RHOH: variants seen among roughly 807,000 people sequenced by gnomAD.
The protein encoded by RHOH is ras homolog family member H.
Under a neutral mutation model 13.8 loss-of-function variants are expected in RHOH, and 6 were observed. The observed-to-expected ratio is 0.44, with a 90% confidence interval of 0.24 to 0.86. The LOEUF (loss-of-function observed/expected upper bound fraction) is 0.86. Ranked by LOEUF, RHOH falls within the 40% of genes least tolerant of loss-of-function variation. The pLI is 0.24. For missense variants in RHOH, 147 were observed against 244.5 expected, an observed-to-expected ratio of 0.60 and a Z score of 2.66; for synonymous variants, 117 against 103.0, an observed-to-expected ratio of 1.14 and a Z score of -0.82.
intron 1 of RHOH, among the ~76,000 whole-genome samples, chr4:40,229,646 A>G (rs1283578076): frequency 1.3e-5 from 2 of 151,762 alleles, no homozygotes; most frequent in Non-Finnish European, 2.9e-5. Context: ...AAAAAAAAAA[A>G]AAAAAGAAAG....
chr4:40,233,715 A>C (rs766651211), intron 1 of RHOH, among the ~76,000 whole-genome samples: 1 of 152,138 alleles, frequency 6.6e-6, no homozygotes, highest in Non-Finnish European at 1.5e-5. Context: ...TGAAACCTGA[A>C]ACTTGAATTT....
At chr4:40,227,176 CAA>C (rs762680151) in intron 1 of RHOH, among the ~76,000 whole-genome samples, 6 of 65,484 alleles carry the variant, frequency 9.2e-5, no homozygotes, top group African/African-American at 2.4e-4. Context: ...AAAACAAAAA[CAA>C]AAACAAACAA....
chr4:40,243,323 C>A lies in RHOH; in HGVS notation c.-64C>A. On this transcript the variant is annotated 5_prime_UTR_variant, in exon 3 of 3. It adds an upstream start codon to the 5' untranslated region. Transcript: ENST00000381799. The surrounding 1 kb of genome is among the most constrained non-coding windows in gnomAD (Gnocchi z 6.2). Reference sequence around the variant, plus strand: ...CCTTGCTGAATGGCGTGTGCTGCAGCTGCCCACTGAGGGCTCTTTTCCCTG... The same window carrying A: ...CCTTGCTGAATGGCGTGTGCTGCAGATGCCCACTGAGGGCTCTTTTCCCTG... The A allele has an allele frequency of 7.1e-7, 1 of 1,417,318 alleles. No individual in the cohort carries two copies. The highest frequency in any genetic ancestry group is 9.6e-7 in the Non-Finnish European group (1 of 1,041,492). The allele number at this position is 1,417,318 out of a possible 1,614,324, so 87.8% of individuals were successfully genotyped here. A position where few individuals can be genotyped will look rare whatever the true frequency, so the allele number is the denominator to read the frequency against.
intron 1 of RHOH, among the ~76,000 whole-genome samples, chr4:40,219,715 T>G (rs1273674699): frequency 6.6e-6 from 1 of 152,010 alleles, no homozygotes; most frequent in African/African-American, 2.4e-5. Context: ...ATACAAGAGG[T>G]AGCATCTGAG....
intron 1 of RHOH, among the ~76,000 whole-genome samples, chr4:40,232,605 G>A (rs1223030971): frequency 3.3e-5 from 5 of 152,086 alleles, no homozygotes; most frequent in Non-Finnish European, 5.9e-5. Flanking sequence ...ACTGTTAACT[G>A]ATTTTAACTG....
At chr4:40,221,985 G>A (rs965783709) in intron 1 of RHOH, among the ~76,000 whole-genome samples, 2 of 152,154 alleles carry the variant, frequency 1.3e-5, no homozygotes, top group African/African-American at 4.8e-5. Context: ...AGTGGTCTGG[G>A]TAGAAGATCA....
At chr4:40,191,581 T>C (rs927837876), upstream of RHOH, among the ~76,000 whole-genome samples, 1 of 152,228 alleles carries the variant, frequency 6.6e-6, no homozygotes, top group African/African-American at 2.4e-5. Flanking sequence ...GAAAAAGTTG[T>C]ATCATAACTT....
chr4:40,220,238 C>G (rs756568238), intron 1 of RHOH, among the ~76,000 whole-genome samples: 1 of 152,130 alleles, frequency 6.6e-6, no homozygotes, highest in Non-Finnish European at 1.5e-5. Flanking sequence ...ATTTCTTTCT[C>G]TCCTCCAAGA....
At chr4:40,215,093 A>C (rs1725719858) in intron 1 of RHOH, among the ~76,000 whole-genome samples, 1 of 152,180 alleles carries the variant, frequency 6.6e-6, no homozygotes, top group Admixed American at 6.5e-5. Context: ...TGGCAAATTC[A>C]TTATCTTGAT....
upstream of RHOH, among the ~76,000 whole-genome samples, chr4:40,191,497 A>G (rs141941811): frequency 6.6e-6 from 1 of 152,264 alleles, no homozygotes; most frequent in Admixed American, 6.5e-5. Context: ...GCAAAAGCGC[A>G]TCAACTATCG....
At chr4:40,240,280 C>T (rs1274738258) in intron 1 of RHOH, 2 of 151,518 alleles carry the variant, frequency 1.3e-5, no homozygotes, top group African/African-American at 2.4e-5. Context: ...GAGTTCGGGA[C>T]CAGCCTCAGC....
chr4:40,214,082 A>G (rs561203173), intron 1 of RHOH, among the ~76,000 whole-genome samples: 2 of 152,270 alleles, frequency 1.3e-5, no homozygotes, highest in East Asian at 3.9e-4. Context: ...AAAAGCTTAA[A>G]TGCATGAAGC....
At chr4:40,192,174 C>A (rs1299260438), upstream of RHOH, among the ~76,000 whole-genome samples, 2 of 152,184 alleles carry the variant, frequency 1.3e-5, no homozygotes, top group African/African-American at 4.8e-5. Flanking sequence ...AGTTGTTCAT[C>A]ATCCAGTGGG....
At chr4:40,229,017 T>C (rs772865449) in intron 1 of RHOH, among the ~76,000 whole-genome samples, 182 of 152,308 alleles carry the variant, frequency 1.2e-3, no homozygotes, top group Non-Finnish European at 1.9e-3. Flanking sequence ...GGGCCTCCTT[T>C]GGCCTCCTTT....
chr4:40,239,389 T>C (rs1728983685), intron 1 of RHOH, among the ~76,000 whole-genome samples: 1 of 152,196 alleles, frequency 6.6e-6, no homozygotes, highest in South Asian at 2.1e-4. Context: ...TTTGTAGCCA[T>C]GTCTGGGTAT....
chr4:40,197,463 T>C (rs1177451284), intron 1 of RHOH, among the ~76,000 whole-genome samples, 163 bp downstream of exon 1: 1 of 152,270 alleles, frequency 6.6e-6, no homozygotes, highest in African/African-American at 2.4e-5. Context: ...GGGTGAGTGT[T>C]GCTTTGATAT....
intron 1 of RHOH, among the ~76,000 whole-genome samples, chr4:40,209,309 G>A (rs908732705): frequency 6.6e-6 from 1 of 152,140 alleles, no homozygotes; most frequent in African/African-American, 2.4e-5. Context: ...TTTGTGAGTG[G>A]TTTCTGTTTT....
rs1729677197 is a variant in RHOH at position 40,245,054 on chromosome 4, G to C, written c.*1092G>C. The C allele has an allele frequency of 6.6e-6, 1 of 152,176 alleles. No individual in the cohort carries two copies. The highest frequency in any genetic ancestry group is 2.4e-5 in the African/African-American group (1 of 41,418). 9.4% of individuals were successfully genotyped at this position (152,176 alleles called of 1,614,324 possible). On this transcript the variant is annotated 3_prime_UTR_variant, in exon 3 of 3. Transcript: ENST00000381799. ...AAAGAAAAATCAAATTCCAAGCACA[G>C]GAATAAGAAAGCTATATAGCAACTG...
upstream of RHOH, chr4:40,196,790 G>A (rs1309296035): frequency 1.3e-5 from 2 of 151,486 alleles, no homozygotes; most frequent in African/African-American, 4.9e-5. Context: ...TTTGCTGGAG[G>A]AAAATGGGGC....
Sources: allele counts gnomAD v4.1 joint callset (sites outside exome capture counted in the v4.1 genomes callset), GRCh38; gene constraint gnomAD v4.1.1; non-coding constraint Gnocchi (gnomAD v3.1); transcripts MANE v1.5; gene names NCBI Gene and HGNC (gene_info 2026-07-23, HGNC 2026-07-21).